The following CDK14 variants were observed in gnomAD, a reference collection of about 807,000 sequenced individuals.
CDK14 encodes the protein cyclin dependent kinase 14.
Under a neutral mutation model 60.7 loss-of-function variants are expected in CDK14, and 34 were observed. The ratio of observed to expected loss-of-function variants is 0.56; its 90% CI spans 0.43 to 0.75. CDK14 has a LOEUF of 0.75. Ranked by LOEUF, CDK14 falls within the 30% of genes least tolerant of loss-of-function variation. The pLI, the probability that CDK14 is intolerant of heterozygous loss-of-function variation, is 0.00. For synonymous variants in CDK14, 197 were observed against 203.7 expected (o/e 0.97, Z 0.28); for missense variants, 482 against 564.1 (o/e 0.85, Z 1.47).
At chr7:91,069,561 A>G (rs1345823696) in intron 11 of CDK14, among the ~76,000 whole-genome samples, 1 of 152,146 alleles carries the variant, frequency 6.6e-6, no homozygotes, top group African/African-American at 2.4e-5. Context: ...AATTTAAAAA[A>G]AGCAGACAAC....
chr7:90,926,674 A>T (rs1793425039), intron 8 of CDK14, among the ~76,000 whole-genome samples: 1 of 152,192 alleles, frequency 6.6e-6, no homozygotes, highest in Non-Finnish European at 1.5e-5. Flanking sequence ...CCAATAACCA[A>T]TTCACCAACA....
At chr7:91,079,041 A>G (rs1330301661) in intron 11 of CDK14, among the ~76,000 whole-genome samples, 1 of 152,212 alleles carries the variant, frequency 6.6e-6, no homozygotes, top group Non-Finnish European at 1.5e-5. Flanking sequence ...GTATTTGGTC[A>G]GAGAAATCAT....
At chr7:90,984,682 CT>C (rs1447511355) in intron 10 of CDK14, among the ~76,000 whole-genome samples, 1 of 152,156 alleles carries the variant, frequency 6.6e-6, no homozygotes, top group Non-Finnish European at 1.5e-5. Flanking sequence ...TTAAACAGTA[CT>C]TCCGTCAGGT....
chr7:90,739,719 C>T (rs1014151709), intron 3 of CDK14, among the ~76,000 whole-genome samples: 1 of 152,276 alleles, frequency 6.6e-6, no homozygotes, highest in Admixed American at 6.5e-5. Context: ...AGATTGCATT[C>T]ATTCTTAAAG....
chr7:90,758,613 C>G (rs1192329320), intron 4 of CDK14, among the ~76,000 whole-genome samples: 1 of 151,958 alleles, frequency 6.6e-6, no homozygotes, highest in Non-Finnish European at 1.5e-5. Context: ...ATAATTATGC[C>G]TTTTTTATGC....
At chr7:90,732,530 T>C (rs1220172953) in intron 3 of CDK14, among the ~76,000 whole-genome samples, 2 of 152,196 alleles carry the variant, frequency 1.3e-5, no homozygotes, top group Non-Finnish European at 2.9e-5. Context: ...TTGTTACTGG[T>C]CTATTCAGGG....
intron 2 of CDK14, chr7:90,709,814 A>AGT: frequency 6.3e-6 from 9 of 1,420,648 alleles, no homozygotes; most frequent in African/African-American, 1.5e-5. Flanking sequence ...TCTTGGTTGT[A>AGT]GTACGGCCGT....
intron 8 of CDK14, among the ~76,000 whole-genome samples, chr7:90,923,535 T>G (rs1164398681): frequency 6.6e-6 from 1 of 152,244 alleles, no homozygotes; most frequent in Non-Finnish European, 1.5e-5. Context: ...TCAGTCACCA[T>G]AAGCCAGATT....
chr7:91,142,505 C>CT (rs1227094547), intron 14 of CDK14, among the ~76,000 whole-genome samples: 2 of 152,194 alleles, frequency 1.3e-5, no homozygotes, highest in African/African-American at 4.8e-5. Context: ...CCAGAGGAGC[C>CT]TTTTGTTGTA....
chr7:90,660,957 A>G (rs1800855076), intron 2 of CDK14, among the ~76,000 whole-genome samples: 1 of 152,334 alleles, frequency 6.6e-6, no homozygotes, highest in Admixed American at 6.5e-5. Context: ...GCCCAACTGC[A>G]AAGCAGTGGC....
chr7:91,028,658 T>C (rs879809028), intron 10 of CDK14, among the ~76,000 whole-genome samples: 6 of 152,222 alleles, frequency 3.9e-5, no homozygotes, highest in Non-Finnish European at 7.3e-5. Context: ...GGGTTTTAAT[T>C]TGCATTTCCC....
chr7:90,614,128 T>C lies in CDK14; in HGVS notation c.123+9879T>C, dbSNP rs192472120. Reference sequence around the variant, plus strand: ...TTCAAGTGATTCTCCTGCCTCAGCCTCCCAAGTAGGTGGGATTACAGGCAT... The same window carrying C: ...TTCAAGTGATTCTCCTGCCTCAGCCCCCCAAGTAGGTGGGATTACAGGCAT... On this transcript the variant is annotated intron_variant, in intron 2 of 14. Coordinates refer to ENST00000380050, the MANE Select transcript of CDK14 (RefSeq NM_001287135.2). 4.1e-3 allele frequency among the ~76,000 whole-genome samples: 622 copies of C among 151,344 alleles called. 3 individuals are homozygous for C. The highest frequency in any genetic ancestry group is 5.0e-3 in the Non-Finnish European group (339 of 67,870).
chr7:90,887,665 A>G (rs1562814110), intron 6 of CDK14, among the ~76,000 whole-genome samples: 1 of 152,212 alleles, frequency 6.6e-6, no homozygotes, highest in Non-Finnish European at 1.5e-5. Flanking sequence ...ACCATGTTTA[A>G]GAGTTCCTCT....
At chr7:91,046,523 T>C (rs769920926) in intron 11 of CDK14, among the ~76,000 whole-genome samples, 8 of 152,186 alleles carry the variant, frequency 5.3e-5, no homozygotes, top group Non-Finnish European at 8.8e-5. Context: ...TTGTCCTTTT[T>C]TTTCACCAGT....
At chr7:91,165,892 GT>G (rs1801331194) in intron 14 of CDK14, among the ~76,000 whole-genome samples, 1 of 152,114 alleles carries the variant, frequency 6.6e-6, no homozygotes, top group African/African-American at 2.4e-5. Context: ...AGTATTTTCT[GT>G]GCTAAATTTT....
intron 2 of CDK14, among the ~76,000 whole-genome samples, chr7:90,704,261 T>C (rs1457448797): frequency 6.6e-6 from 1 of 152,218 alleles, no homozygotes; most frequent in Non-Finnish European, 1.5e-5. Flanking sequence ...TTGCTATAGC[T>C]CTAGCTTTGG....
intron 10 of CDK14, among the ~76,000 whole-genome samples, chr7:91,036,118 T>C (rs1010083877): frequency 6.6e-6 from 1 of 152,132 alleles, no homozygotes; most frequent in Non-Finnish European, 1.5e-5. Flanking sequence ...GCTGGGATTA[T>C]AGGCGTGAGC....
chr7:90,833,219 A>G (rs1419470590), intron 5 of CDK14, among the ~76,000 whole-genome samples: 1 of 152,194 alleles, frequency 6.6e-6, no homozygotes, highest in Non-Finnish European at 1.5e-5. Context: ...ATTGAAAACA[A>G]CTTCATTTCT....
chr7:91,012,654 C>T (rs1796194707), intron 10 of CDK14, among the ~76,000 whole-genome samples: 1 of 152,054 alleles, frequency 6.6e-6, no homozygotes, highest in South Asian at 2.1e-4. Flanking sequence ...GCTTGAGGGC[C>T]ATTATTTTAT....
Sources: gnomAD v4.1 joint callset for allele counts (sites outside exome capture counted in the v4.1 genomes callset) on GRCh38, gnomAD v4.1.1 for gene constraint, MANE v1.5 for transcripts, NCBI Gene and HGNC (gene_info 2026-07-23, HGNC 2026-07-21) for gene names.